The following SUPT3H variants were observed in gnomAD, a reference collection of about 807,000 sequenced individuals.
SUPT3H encodes the protein transcription initiation protein SPT3 homolog.
Under a neutral mutation model 44.3 loss-of-function variants are expected in SUPT3H, and 44 were observed. The ratio of observed to expected loss-of-function variants is 0.99; its 90% confidence interval spans 0.78 to 1.28. The LOEUF is 1.28. Ranked by LOEUF, SUPT3H falls within the 50% of genes most tolerant of loss-of-function variation. The probability of loss-of-function intolerance (pLI) is 0.00; values close to 1 mark genes in which losing one functional copy is unlikely to be tolerated. For missense variants in SUPT3H, 380 were observed against 387.1 expected, an observed-to-expected ratio of 0.98 and a Z score of 0.15; for synonymous variants, 124 against 125.6, an observed-to-expected ratio of 0.99 and a Z score of 0.09.
rs115134356 is a variant in SUPT3H at position 44,999,823 on chromosome 6, T to C, written c.504+3830A>G. On this transcript the variant is annotated intron_variant, in intron 6 of 10. Coordinates refer to ENST00000371459, the MANE Select transcript of SUPT3H (RefSeq NM_003599.4). The stretch of plus-strand genomic sequence containing the variant: ...CTACTATATTTTCACTATAGGTGTA[T>C]CTTTTAGTAACATAAAATTATTGCC... Among the ~76,000 whole-genome samples the C allele has an allele frequency of 2.5e-3, 386 of 152,118 alleles. 3 individuals carry two copies. The highest frequency in any genetic ancestry group is 8.5e-3 in the African/African-American group (352 of 41,542).
intron 2 of SUPT3H, among the ~76,000 whole-genome samples, chr6:45,269,474 T>G (rs980147640): frequency 2.6e-5 from 4 of 152,174 alleles, no homozygotes; most frequent in African/African-American, 9.7e-5. Flanking sequence ...AATTTGAGAG[T>G]CTACTAAGCT....
chr6:45,147,380 T>C (rs1806248182), intron 2 of SUPT3H, among the ~76,000 whole-genome samples: 2 of 152,170 alleles, frequency 1.3e-5, no homozygotes, highest in Non-Finnish European at 2.9e-5. Context: ...CTTTTCTTCA[T>C]TGTTCCTTCC....
chr6:45,326,823 C>A (rs1786424664), intron 2 of SUPT3H, among the ~76,000 whole-genome samples: 1 of 151,900 alleles, frequency 6.6e-6, no homozygotes, highest in Non-Finnish European at 1.5e-5. Context: ...CCCTTACCTC[C>A]CTGCACATTC....
At chr6:44,912,261 G>A (rs930719038) in intron 10 of SUPT3H, among the ~76,000 whole-genome samples, 1 of 152,060 alleles carries the variant, frequency 6.6e-6, no homozygotes, top group Admixed American at 6.6e-5. Flanking sequence ...CACTGCTGTA[G>A]CTTCTAATCT....
intron 2 of SUPT3H, among the ~76,000 whole-genome samples, chr6:45,183,219 A>G (rs1813592216): frequency 6.6e-6 from 1 of 152,250 alleles, no homozygotes; most frequent in East Asian, 1.9e-4. Context: ...AGACACAAAA[A>G]GACAAATATT....
chr6:45,350,813 T>A (rs1791851114), intron 2 of SUPT3H, among the ~76,000 whole-genome samples: 1 of 152,134 alleles, frequency 6.6e-6, no homozygotes, highest in African/African-American at 2.4e-5. Context: ...TCTAAATGAA[T>A]GAAGTCTTTA....
intron 2 of SUPT3H, among the ~76,000 whole-genome samples, chr6:45,161,454 T>C (rs926207212): frequency 6.6e-6 from 1 of 152,198 alleles, no homozygotes; most frequent in African/African-American, 2.4e-5. Flanking sequence ...CTTGAGAGTA[T>C]GGACACTAGA....
At chr6:44,966,434 T>G (rs1322634897) in intron 6 of SUPT3H, among the ~76,000 whole-genome samples, 1 of 150,656 alleles carries the variant, frequency 6.6e-6, no homozygotes, top group Non-Finnish European at 1.5e-5. Context: ...TATTTACATA[T>G]TTAAAATATT....
chr6:45,350,251 G>C (rs1791745128), intron 2 of SUPT3H, among the ~76,000 whole-genome samples: 1 of 152,088 alleles, frequency 6.6e-6, no homozygotes, highest in Admixed American at 6.6e-5. Context: ...TACACAGTAG[G>C]CACCCACTTG....
At chr6:45,232,668 C>T (rs1408898236) in intron 2 of SUPT3H, among the ~76,000 whole-genome samples, 2 of 152,106 alleles carry the variant, frequency 1.3e-5, no homozygotes, top group Non-Finnish European at 1.5e-5. Context: ...CCAAGTGTTG[C>T]ACACTGATGT....
intron 11 of SUPT3H, among the ~76,000 whole-genome samples, chr6:44,817,668 TTTTA>T (rs142442744): frequency 0.087 from 13,273 of 152,116 alleles, 947 homozygotes; most frequent in African/African-American, 0.2. Context: ...CAAAAATCAA[TTTTA>T]TTTCTCTGTG....
intron 2 of SUPT3H, among the ~76,000 whole-genome samples, chr6:45,152,911 T>G (rs981159559): frequency 2.0e-5 from 3 of 152,190 alleles, no homozygotes; most frequent in African/African-American, 7.2e-5. Flanking sequence ...AAGGTCTGGC[T>G]TCTTTGCCCT....
At chr6:44,809,897 G>A (rs540771205) in intron 11 of SUPT3H, among the ~76,000 whole-genome samples, 1 of 152,226 alleles carries the variant, frequency 6.6e-6, no homozygotes, top group South Asian at 2.1e-4. Flanking sequence ...AGCCATTAAG[G>A]GCAGGGAGAA....
chr6:45,195,201 C>T (rs1163891489), intron 2 of SUPT3H, among the ~76,000 whole-genome samples: 2 of 152,046 alleles, frequency 1.3e-5, no homozygotes, highest in African/African-American at 4.8e-5. Context: ...ATATATTATA[C>T]AATGGTTTCA....
chr6:44,815,618 A>G (rs1476617714), intron 11 of SUPT3H, among the ~76,000 whole-genome samples: 1 of 152,164 alleles, frequency 6.6e-6, no homozygotes, highest in African/African-American at 2.4e-5. Flanking sequence ...CAATTAATCA[A>G]GAAGACATGC....
At chr6:45,271,727 T>A (rs1226982511) in intron 2 of SUPT3H, among the ~76,000 whole-genome samples, 4 of 152,174 alleles carry the variant, frequency 2.6e-5, no homozygotes, top group Non-Finnish European at 5.9e-5. Flanking sequence ...GCCACCATCC[T>A]CTAGACCCCA....
intron 2 of SUPT3H, among the ~76,000 whole-genome samples, chr6:45,193,639 C>T (rs919024167): frequency 1.3e-5 from 2 of 152,044 alleles, no homozygotes; most frequent in Non-Finnish European, 2.9e-5. Flanking sequence ...TCGCTTGAAC[C>T]CGGGAGGCAG....
At chr6:45,136,973 A>G (rs572745711) in intron 2 of SUPT3H, among the ~76,000 whole-genome samples, 16 of 152,272 alleles carry the variant, frequency 1.1e-4, no homozygotes, top group African/African-American at 3.8e-4. Flanking sequence ...AAAGAGACTC[A>G]TGCCAAAAGA....
chr6:45,076,146 C>A (rs1489803922), intron 3 of SUPT3H, among the ~76,000 whole-genome samples: 1 of 152,008 alleles, frequency 6.6e-6, no homozygotes, highest in Non-Finnish European at 1.5e-5. Flanking sequence ...ATTATTTCTC[C>A]AAGGTGTATA....
Sources: gnomAD v4.1 joint callset for allele counts (sites outside exome capture counted in the v4.1 genomes callset) on GRCh38, gnomAD v4.1.1 for gene constraint, MANE v1.5 for transcripts, NCBI Gene and HGNC (gene_info 2026-07-23, HGNC 2026-07-21) for gene names.